The following ITGA1 variants were observed in gnomAD, a reference collection of about 807,000 sequenced individuals.
The protein encoded by ITGA1 is integrin alpha-1.
In ITGA1, 85 loss-of-function variants were observed where a neutral mutation model predicts 145.9. The observed-to-expected ratio is 0.58, with a 90% CI of 0.49 to 0.70. The LOEUF (loss-of-function observed/expected upper bound fraction) is 0.70. ITGA1 is among the 30% of genes least tolerant of loss of function. The pLI is 0.00. For missense variants in ITGA1, 1,351 were observed against 1,418.7 expected, an observed-to-expected ratio of 0.95 and a Z score of 0.77; for synonymous variants, 520 against 495.3, an observed-to-expected ratio of 1.05 and a Z score of -0.66.
At chr5:52,947,547 A>G (rs1347993301) in intron 28 of ITGA1, 86 bp downstream of exon 28, 1 of 769,130 alleles carries the variant, frequency 1.3e-6, no homozygotes, top group East Asian at 2.6e-5. Context: ...AGACTATGTA[A>G]TATAGTATTA....
At chr5:52,869,711 G>A (rs1749748616) in intron 6 of ITGA1, among the ~76,000 whole-genome samples, 1 of 151,986 alleles carries the variant, frequency 6.6e-6, no homozygotes, top group Non-Finnish European at 1.5e-5. Context: ...GTCCAGTTTT[G>A]TATTTTTCTC....
In ITGA1 at chr5:52,908,759, G is replaced by T. The variant is rs936772921; in HGVS notation, c.1456-139G>T. On this transcript the variant is annotated intron_variant, in intron 12 of 28. Coordinates refer to ENST00000282588, the MANE Select transcript of ITGA1 (RefSeq NM_181501.2). ...AAAGAGCCAATAAATAACTTTCAGGGAGCATCAATTTTTATCTTTCATTTC... is the reference window on the plus strand; with the variant it reads ...AAAGAGCCAATAAATAACTTTCAGGTAGCATCAATTTTTATCTTTCATTTC... The T allele has an allele frequency of 7.3e-6, 6 of 820,710 alleles. No homozygotes were observed. The African/African-American group carries it at 8.7e-5, about 12-fold the overall frequency. The allele number at this position is 820,710 out of a possible 1,614,324, so 50.8% of individuals were successfully genotyped here.
intron 1 of ITGA1, among the ~76,000 whole-genome samples, chr5:52,834,631 A>G (rs2111728138): frequency 6.6e-6 from 1 of 150,590 alleles, no homozygotes; most frequent in South Asian, 2.1e-4. Context: ...AAGGGAGAGA[A>G]AGAAAGACAG....
intron 6 of ITGA1, among the ~76,000 whole-genome samples, chr5:52,866,536 T>A (rs1214461649): frequency 6.6e-6 from 1 of 152,198 alleles, no homozygotes; most frequent in Non-Finnish European, 1.5e-5. Flanking sequence ...TCTCATATTA[T>A]ACAAATAAGT....
chr5:52,811,715 T>C (rs1441971425), intron 1 of ITGA1, among the ~76,000 whole-genome samples: 1 of 152,248 alleles, frequency 6.6e-6, no homozygotes, highest in African/African-American at 2.4e-5. Context: ...TTTAATAGTT[T>C]GCCACATTTC....
intron 28 of ITGA1, among the ~76,000 whole-genome samples, chr5:52,948,008 A>AT (rs1751161119): frequency 6.6e-6 from 1 of 152,146 alleles, no homozygotes; most frequent in African/African-American, 2.4e-5. Flanking sequence ...GGATCAGCTG[A>AT]TGTAGGGGAG....
chr5:52,884,412 A>G (rs890187040), intron 7 of ITGA1, among the ~76,000 whole-genome samples: 1 of 151,254 alleles, frequency 6.6e-6, no homozygotes, highest in Non-Finnish European at 1.5e-5. Context: ...GTGCCACTGC[A>G]CTTCAGCCTG....
intron 26 of ITGA1, among the ~76,000 whole-genome samples, chr5:52,944,480 G>T (rs985843700): frequency 6.6e-6 from 1 of 152,090 alleles, no homozygotes; most frequent in Non-Finnish European, 1.5e-5. Flanking sequence ...GATCAGATCT[G>T]CCCAAATTAT....
chr5:52,799,731 T>C (rs917334190), intron 1 of ITGA1, among the ~76,000 whole-genome samples: 1 of 152,214 alleles, frequency 6.6e-6, no homozygotes, highest in Non-Finnish European at 1.5e-5. Context: ...AAAACGAGCA[T>C]AGTTTGGGCC....
chr5:52,898,735 G>GACTT (rs758989744), intron 11 of ITGA1, among the ~76,000 whole-genome samples: 44 of 152,180 alleles, frequency 2.9e-4, no homozygotes, highest in Non-Finnish European at 5.4e-4. Flanking sequence ...AGGAAACCTC[G>GACTT]ACTTCTCCTA....
chr5:52,911,335 T>A (rs1337967406), intron 14 of ITGA1, among the ~76,000 whole-genome samples: 3 of 134,436 alleles, frequency 2.2e-5, no homozygotes, highest in African/African-American at 5.4e-5. Context: ...GTATATAGTG[T>A]ATATATAGTA....
chr5:52,830,526 T>C (rs1173197558), intron 1 of ITGA1, among the ~76,000 whole-genome samples: 1 of 152,222 alleles, frequency 6.6e-6, no homozygotes, highest in Non-Finnish European at 1.5e-5. Flanking sequence ...AAGTTGATTG[T>C]AGTTCATCCA....
At chr5:52,882,074 A>G (rs1157515402) in intron 7 of ITGA1, 53 bp downstream of exon 7, 27 of 1,432,122 alleles carry the variant, frequency 1.9e-5, no homozygotes, top group Admixed American at 4.8e-5. Context: ...ATAACTGCTC[A>G]TGATTTAGCC....
At chr5:52,841,955 T>G in intron 1 of ITGA1, among the ~76,000 whole-genome samples, 1 of 152,086 alleles carries the variant, frequency 6.6e-6, no homozygotes, top group East Asian at 1.9e-4. Flanking sequence ...GAGAGGGGCC[T>G]CTCCAGCTCT....
rs1174909254 is a variant in ITGA1, at chr5:52,868,394, T to C, written c.624+2577T>C. ...AAGATCTATGCCAGTGACTCCATTT[T>C]GTAAAGAAATAAATAACAGTCAATT... On this transcript the variant is annotated intron_variant, in intron 6 of 28. Coordinates refer to ENST00000282588, the MANE Select transcript of ITGA1 (RefSeq NM_181501.2). Among the ~76,000 whole-genome samples, 3 of 152,318 alleles carry C rather than the reference T, an allele frequency of 2.0e-5. No individual in the cohort carries two copies. In the East Asian group the frequency reaches 5.8e-4, roughly 29 times the overall value.
intron 6 of ITGA1, among the ~76,000 whole-genome samples, chr5:52,872,505 A>T (rs1278671058): frequency 2.6e-5 from 4 of 151,108 alleles, no homozygotes; most frequent in Non-Finnish European, 4.4e-5. Context: ...CTAGTGGACT[A>T]ACTGGCATCT....
chr5:52,791,899 A>G (rs1369691521), intron 1 of ITGA1, among the ~76,000 whole-genome samples: 1 of 152,230 alleles, frequency 6.6e-6, no homozygotes, highest in Non-Finnish European at 1.5e-5. Flanking sequence ...TACTCAATTC[A>G]TATCTCTGAC....
intron 20 of ITGA1, 57 bp downstream of exon 20, chr5:52,927,721 A>G (rs943045273): frequency 9.2e-7 from 1 of 1,091,132 alleles, no homozygotes; most frequent in African/African-American, 1.6e-5. Flanking sequence ...AATATGTGCA[A>G]AGACAAATAT....
rs945746025 is a variant in ITGA1 at position 52,922,756 on chromosome 5, A to G, written c.2293-21A>G. 1.2e-5 allele frequency: 18 copies of G among 1,459,852 alleles called. No individual in the cohort carries two copies. The African/African-American group carries it at 2.1e-4, about 17-fold the overall frequency. 90.4% of individuals were successfully genotyped at this position (1,459,852 alleles called of 1,614,324 possible). A position where few individuals can be genotyped will look rare whatever the true frequency, so the allele number is the denominator to read the frequency against. The stretch of plus-strand genomic sequence containing the variant: ...CCGGTAAATATGATACCAGTGATAT[A>G]TTTTATGTTTCACCCTCTAGGACAA... On this transcript the variant is annotated intron_variant, in intron 17 of 28. Transcript: ENST00000282588.
Sources: gnomAD v4.1 joint callset for allele counts (sites outside exome capture counted in the v4.1 genomes callset) on GRCh38, gnomAD v4.1.1 for gene constraint, MANE v1.5 for transcripts, NCBI Gene and HGNC (gene_info 2026-07-23, HGNC 2026-07-21) for gene names.